Variants in ZFHX4 observed in about 807,000 individuals in gnomAD.
ZFHX4 encodes the protein zinc finger homeobox 4.
In ZFHX4, 56 loss-of-function variants were observed where a neutral mutation model predicts 267.6. The observed-to-expected ratio is 0.21, with a 90% CI of 0.17 to 0.26. ZFHX4 has a LOEUF of 0.26. Ranked by LOEUF, ZFHX4 falls within the 10% of genes least tolerant of loss-of-function variation. The pLI, the probability that ZFHX4 is intolerant of heterozygous loss-of-function variation, is 1.00. For missense variants in ZFHX4, 4,332 were observed against 4,420.0 expected (o/e 0.98, Z 0.56); for synonymous variants, 1,778 against 1,665.6 (o/e 1.07, Z -1.64).
chr8:76,743,431 C>T (rs1809373899), intron 3 of ZFHX4, among the ~76,000 whole-genome samples: 1 of 152,130 alleles, frequency 6.6e-6, no homozygotes, highest in South Asian at 2.1e-4. Context: ...AACATGCGTG[C>T]CACCCATGAT....
intron 4 of ZFHX4, among the ~76,000 whole-genome samples, chr8:76,806,766 C>A (rs1486638369): frequency 6.6e-6 from 1 of 152,028 alleles, no homozygotes; most frequent in Non-Finnish European, 1.5e-5. Flanking sequence ...GGGATAAAAT[C>A]CAAAATGTTT....
intron 6 of ZFHX4, among the ~76,000 whole-genome samples, chr8:76,845,186 T>C (rs1289961069): frequency 2.0e-5 from 3 of 152,086 alleles, no homozygotes; most frequent in African/African-American, 4.8e-5. Flanking sequence ...GCTTTCAAAA[T>C]GAGACGTGGC....
intron 3 of ZFHX4, among the ~76,000 whole-genome samples, chr8:76,752,423 T>A (rs546148214): frequency 6.3e-4 from 93 of 146,816 alleles, no homozygotes; most frequent in African/African-American, 2.3e-3. Flanking sequence ...AGGCAGATCA[T>A]TTGAGGTCAG....
intron 9 of ZFHX4, 123 bp from the exon 10 acceptor site, chr8:76,850,763 A>T: frequency 8.3e-7 from 1 of 1,207,598 alleles, no homozygotes; most frequent in Non-Finnish European, 1.1e-6. Flanking sequence ...GTTGCTCAGT[A>T]AACATTTATT....
rs1336045561 is a variant in ZFHX4 at position 76,852,927 on chromosome 8, G to T, written c.6006G>T (p.Thr2002=). 1 of 1,592,480 alleles carries T rather than the reference G, an allele frequency of 6.3e-7. No individual in the cohort carries two copies. Among genetic ancestry groups the T allele is most frequent in the African/African-American group, 1.3e-5 (1 of 74,506 alleles). The change falls in exon 10 of 11, where the codon ACG becomes ACT. Residue 2002 remains threonine, a synonymous_variant. Transcript: ENST00000651372. ...CAATTTCTCCATCTTCTCCAGAAAC[G>T]CCGCCCCCGCCACCTCCTCCTCCTC... is the stretch of plus-strand genomic sequence containing the variant. The part of the protein sequence containing the change: ...LYPISPSSPE[T]PPPPPPPPPL...
Position 76,851,695 on chromosome 8 carries a change from C to T in ZFHX4, c.4774C>T (p.Pro1592Ser), listed in dbSNP as rs750367407. The change falls in exon 10 of 11, where the codon CCC becomes TCC. Residue 1592 changes from proline to serine, a missense_variant. Physicochemically the swap from Pro to Ser is moderately conservative, Grantham distance 74. Coordinates refer to ENST00000651372, the MANE Select transcript of ZFHX4 (RefSeq NM_024721.5). Reference protein sequence around the residue: ...QETNSNTDNKPYKCSICNVAY... With the variant: ...QETNSNTDNKSYKCSICNVAY... ...AACCAACAGCAACACAGATAACAAA[C>T]CCTACAAGTGCAGCATCTGCAATGT... The T allele has an allele frequency of 6.2e-7, 1 of 1,613,956 alleles. No individual in the cohort carries two copies. Among genetic ancestry groups the T allele is most frequent in the East Asian group, 2.2e-5 (1 of 44,846 alleles).
chr8:76,713,298 TA>T (rs1808477157), intron 3 of ZFHX4, among the ~76,000 whole-genome samples: 1 of 152,036 alleles, frequency 6.6e-6, no homozygotes, highest in East Asian at 1.9e-4. Flanking sequence ...GATAGATAGA[TA>T]GATAGATAGA....
At chr8:76,762,972 A>G (rs368925096) in intron 3 of ZFHX4, among the ~76,000 whole-genome samples, 52 of 152,354 alleles carry the variant, frequency 3.4e-4, no homozygotes, top group African/African-American at 1.2e-3. Flanking sequence ...TGTCCTTGAC[A>G]CTTTACTGCT....
chr8:76,749,301 T>C (rs1233440333), intron 3 of ZFHX4, among the ~76,000 whole-genome samples: 5 of 152,204 alleles, frequency 3.3e-5, no homozygotes, highest in African/African-American at 1.2e-4. Flanking sequence ...GACAATAAAT[T>C]GATCTTTTAT....
At chr8:76,834,179 TAA>T (rs1216160549) in intron 5 of ZFHX4, 1 of 443,882 alleles carries the variant, frequency 2.3e-6, no homozygotes, top group Non-Finnish European at 4.5e-6. Flanking sequence ...CAATTACGAA[TAA>T]AACTACTATG....
At chr8:76,735,958 G>A (rs1809147980) in intron 3 of ZFHX4, among the ~76,000 whole-genome samples, 1 of 151,886 alleles carries the variant, frequency 6.6e-6, no homozygotes, top group Non-Finnish European at 1.5e-5. Flanking sequence ...AACTTTAAGA[G>A]CGGAATATAA....
chr8:76,852,195 C>A lies in ZFHX4; in HGVS notation c.5274C>A (p.Gly1758=). The change falls in exon 10 of 11, where the codon GGC becomes GGA. Residue 1758 remains glycine, a synonymous_variant. Coordinates refer to ENST00000651372, the MANE Select transcript of ZFHX4 (RefSeq NM_024721.5). ...FSLGPDLGLP[G]SATFGMPGMT... Reference sequence around the variant, plus strand: ...TGGGGCCAGATTTGGGCTTGCCAGGCTCTGCCACATTTGGGATGCCTGGCA... The same window carrying A: ...TGGGGCCAGATTTGGGCTTGCCAGGATCTGCCACATTTGGGATGCCTGGCA... The A allele has an allele frequency of 6.2e-7, 1 of 1,613,872 alleles. No homozygotes were observed. Among genetic ancestry groups the A allele is most frequent in the South Asian group, 1.1e-5 (1 of 91,074 alleles).
In ZFHX4 at chr8:76,704,293, G is replaced by A. The variant is rs1190982120; in HGVS notation, c.205G>A (p.Ala69Thr). 15 of 1,613,896 alleles carry A rather than the reference G, an allele frequency of 9.3e-6. No homozygotes were observed. The highest frequency in any genetic ancestry group is 1.2e-5 in the Non-Finnish European group (14 of 1,179,906). Residue 69 changes from alanine to threonine, a missense_variant, in exon 2 of 11, where the codon GCA becomes ACA. Coordinates refer to ENST00000651372, the MANE Select transcript of ZFHX4 (RefSeq NM_024721.5). Reference sequence around the variant, plus strand: ...CTTGCTGGGTTTCAGCGTTGAGAATGCAGCTGCCACTCAGGTTACCTCAGC... The same window carrying A: ...CTTGCTGGGTTTCAGCGTTGAGAATACAGCTGCCACTCAGGTTACCTCAGC... ...EALLGFSVEN[A>T]AATQVTSAKE...
chr8:76,803,403 C>G (rs1811168855), intron 4 of ZFHX4, among the ~76,000 whole-genome samples: 1 of 152,022 alleles, frequency 6.6e-6, no homozygotes, highest in African/African-American at 2.4e-5. Flanking sequence ...TCCTTGTAAA[C>G]TGCATTTATA....
At chr8:76,825,490 G>C (rs983272337) in intron 4 of ZFHX4, among the ~76,000 whole-genome samples, 1 of 152,218 alleles carries the variant, frequency 6.6e-6, no homozygotes, top group African/African-American at 2.4e-5. Context: ...GAACAACGTA[G>C]GTTTCTGAGG....
chr8:76,743,615 C>G (rs892276419), intron 3 of ZFHX4, among the ~76,000 whole-genome samples: 5 of 152,152 alleles, frequency 3.3e-5, no homozygotes, highest in African/African-American at 1.2e-4. Context: ...CCTATTTTAA[C>G]TGTTTAGCTA....
intron 5 of ZFHX4, among the ~76,000 whole-genome samples, chr8:76,836,099 C>T (rs1419596384): frequency 6.6e-6 from 1 of 152,070 alleles, no homozygotes; most frequent in Non-Finnish European, 1.5e-5. Flanking sequence ...CTTCTATGTG[C>T]CAGAGACTGG....
chr8:76,729,872 A>G (rs904858817), intron 3 of ZFHX4, among the ~76,000 whole-genome samples: 1 of 152,180 alleles, frequency 6.6e-6, no homozygotes, highest in Non-Finnish European at 1.5e-5. Context: ...AATAAATCTC[A>G]AAAGAAGAAG....
intron 3 of ZFHX4, among the ~76,000 whole-genome samples, chr8:76,742,180 T>C (rs1809335636): frequency 6.6e-6 from 1 of 152,184 alleles, no homozygotes; most frequent in Non-Finnish European, 1.5e-5. Flanking sequence ...TTGGATGGTG[T>C]AGATATGCTT....
Sources: gnomAD v4.1 joint callset for allele counts (sites outside exome capture counted in the v4.1 genomes callset) on GRCh38, gnomAD v4.1.1 for gene constraint, MANE v1.5 for transcripts, NCBI Gene and HGNC (gene_info 2026-07-23, HGNC 2026-07-21) for gene names.